ST7L: variants seen among roughly 807,000 people sequenced by gnomAD.
ST7L encodes suppressor of tumorigenicity 7 protein-like.
ST7L carries 57 observed loss-of-function variants against 72.5 expected under a neutral mutation model. The ratio of observed to expected loss-of-function variants is 0.79; its 90% confidence interval spans 0.64 to 0.98. The LOEUF is 0.98. Ranked by LOEUF, ST7L falls within the 50% of genes least tolerant of loss-of-function variation. ST7L has a pLI of 0.00. For missense variants in ST7L, 576 were observed against 672.2 expected (o/e 0.86, Z 1.58); for synonymous variants, 221 against 240.9 (o/e 0.92, Z 0.77).
intron 14 of ST7L, among the ~76,000 whole-genome samples, chr1:112,538,107 T>G (rs1288985376): frequency 6.6e-6 from 1 of 152,138 alleles, no homozygotes; most frequent in Non-Finnish European, 1.5e-5. Context: ...AATAAAGAAA[T>G]TTAGGAAATT....
At chr1:112,540,875 G>T in intron 14 of ST7L, 1 of 1,273,232 alleles carries the variant, frequency 7.9e-7, no homozygotes, top group Non-Finnish European at 1.0e-6. Context: ...CCTACTACCT[G>T]GTAGAAATGC....
chr1:112,526,276 T>C (rs1481066244), intron 14 of ST7L, 165 bp from the exon 15 acceptor site: 3 of 803,630 alleles, frequency 3.7e-6, no homozygotes, highest in African/African-American at 1.7e-5. Context: ...ACCAGTACCA[T>C]GTGACCACTA....
At chr1:112,547,278 C>T (rs576682836) in intron 13 of ST7L, among the ~76,000 whole-genome samples, 1 of 151,572 alleles carries the variant, frequency 6.6e-6, no homozygotes, top group South Asian at 2.1e-4. Context: ...CTGCAACCTC[C>T]ACCTCCTGGG....
intron 14 of ST7L, chr1:112,526,739 CA>C (rs11318218): frequency 0.52 from 63,436 of 121,208 alleles, 13,920 homozygotes; most frequent in East Asian, 0.58. Context: ...GACTCCGTCA[CA>C]AAAAAAAAAA....
chr1:112,542,553 G>T (rs6537741), intron 13 of ST7L, among the ~76,000 whole-genome samples: 27,325 of 151,928 alleles, frequency 0.18, 2,637 homozygotes, highest in Middle Eastern at 0.22. Flanking sequence ...AGCCAGGCAT[G>T]CGACACTAAC....
intron 14 of ST7L, among the ~76,000 whole-genome samples, chr1:112,536,498 G>A (rs1026442159): frequency 6.6e-6 from 1 of 152,078 alleles, no homozygotes; most frequent in Non-Finnish European, 1.5e-5. Flanking sequence ...TCACTTTTCA[G>A]TAAAAGACAC....
At chr1:112,608,371 G>A (rs186981014) in intron 3 of ST7L, among the ~76,000 whole-genome samples, 4 of 151,840 alleles carry the variant, frequency 2.6e-5, no homozygotes, top group South Asian at 2.1e-4. Context: ...TATATTTTGC[G>A]GCCCTCCCTC....
At chr1:112,549,320 G>A (rs1295640059) in intron 13 of ST7L, among the ~76,000 whole-genome samples, 1 of 152,182 alleles carries the variant, frequency 6.6e-6, no homozygotes, top group Non-Finnish European at 1.5e-5. Flanking sequence ...CTGAACCCAG[G>A]AGGCGGAGGT....
chr1:112,605,833 G>T (rs1243740208), intron 3 of ST7L, among the ~76,000 whole-genome samples: 3 of 152,226 alleles, frequency 2.0e-5, no homozygotes, highest in African/African-American at 4.8e-5. Context: ...CCTGGCCCCA[G>T]AAACTGGAAA....
At chr1:112,613,724 T>TTTG (rs920003349) in intron 2 of ST7L, among the ~76,000 whole-genome samples, 1 of 152,002 alleles carries the variant, frequency 6.6e-6, no homozygotes, top group Non-Finnish European at 1.5e-5. Context: ...TTTTTGGGTT[T>TTTG]TTGTTGTTGT....
intron 4 of ST7L, among the ~76,000 whole-genome samples, chr1:112,599,877 CAT>C (rs1319949359): frequency 6.6e-6 from 1 of 152,112 alleles, no homozygotes; most frequent in South Asian, 2.1e-4. Flanking sequence ...GTATCACAAA[CAT>C]ATAGTTTGAT....
At chr1:112,522,039 A>C (rs144865834), downstream of ST7L, 2 of 151,384 alleles carry the variant, frequency 1.3e-5, no homozygotes, top group African/African-American at 4.9e-5. Flanking sequence ...CTTTCTTTTT[A>C]TTTCTTTTAG....
chr1:112,579,748 C>T (rs1051768628), intron 9 of ST7L, among the ~76,000 whole-genome samples: 3 of 152,146 alleles, frequency 2.0e-5, no homozygotes, highest in Non-Finnish European at 4.4e-5. Flanking sequence ...AGTAAATTTG[C>T]TTTCAACTTC....
chr1:112,595,135 G>T (rs1015361507), intron 5 of ST7L, among the ~76,000 whole-genome samples: 14 of 151,980 alleles, frequency 9.2e-5, no homozygotes, highest in East Asian at 5.8e-4. Context: ...GAAGACCAAG[G>T]GGGGGCGGAT....
At chr1:112,543,170 T>C (rs1434953168) in intron 13 of ST7L, among the ~76,000 whole-genome samples, 1 of 152,202 alleles carries the variant, frequency 6.6e-6, no homozygotes, top group Non-Finnish European at 1.5e-5. Context: ...GACATGTCAT[T>C]GGTGATTTCC....
At chr1:112,547,197 T>C (rs933842465) in intron 13 of ST7L, among the ~76,000 whole-genome samples, 17 of 140,816 alleles carry the variant, frequency 1.2e-4, no homozygotes, top group African/African-American at 2.8e-4. Flanking sequence ...TTCTTTCTTT[T>C]TTTTTTTTTT....
At chr1:112,606,682 G>T (rs549238536) in intron 3 of ST7L, among the ~76,000 whole-genome samples, 7 of 152,264 alleles carry the variant, frequency 4.6e-5, no homozygotes, top group Non-Finnish European at 7.4e-5. Context: ...ATGCTGAGTG[G>T]CTTAACAACA....
chr1:112,619,330 A>C, upstream of ST7L: 9 of 604,196 alleles, frequency 1.5e-5, 1 homozygote, highest in South Asian at 1.6e-4. Context: ...AGCAGCGCCT[A>C]TTCTGGAGGA....
intron 13 of ST7L, among the ~76,000 whole-genome samples, chr1:112,549,939 T>C (rs1657831686): frequency 6.6e-6 from 1 of 152,218 alleles, no homozygotes; most frequent in Non-Finnish European, 1.5e-5. Flanking sequence ...CAGGGATTTT[T>C]TTTAAATCAG....
Sources: allele counts gnomAD v4.1 joint callset (sites outside exome capture counted in the v4.1 genomes callset), GRCh38; gene constraint gnomAD v4.1.1; transcripts MANE v1.5; gene names NCBI Gene and HGNC (gene_info 2026-07-23, HGNC 2026-07-21).